SLC14A2: variants seen among roughly 807,000 people sequenced by gnomAD.
The protein encoded by SLC14A2 is urea transporter 2.
A neutral mutation model predicts 104.6 loss-of-function variants in SLC14A2; 91 were observed. That is an observed-to-expected ratio of 0.87 (90% CI 0.73 to 1.04). The LOEUF is 1.04. Among genes scored for constraint, SLC14A2 ranks in the 50% least tolerant of loss-of-function variants. SLC14A2 has a pLI of 0.00. For missense variants in SLC14A2, 1,189 were observed against 1,156.0 expected (o/e 1.03, Z -0.41); for synonymous variants, 476 against 466.4 (o/e 1.02, Z -0.27).
chr18:45,533,167 GT>G (rs2043725117), intron 2 of SLC14A2, among the ~76,000 whole-genome samples: 1 of 152,048 alleles, frequency 6.6e-6, no homozygotes, highest in African/African-American at 2.4e-5. Context: ...CTCTTTTTTG[GT>G]TGTGTCTCTG....
intron 1 of SLC14A2, among the ~76,000 whole-genome samples, chr18:45,356,416 TTTATC>T (rs1398963569): frequency 6.6e-6 from 1 of 152,128 alleles, no homozygotes; most frequent in Non-Finnish European, 1.5e-5. Context: ...CCAACAGACT[TTTATC>T]TTATTTAGGG....
intron 1 of SLC14A2, among the ~76,000 whole-genome samples, chr18:45,473,439 T>C (rs1024803473): frequency 2.6e-5 from 4 of 152,114 alleles, no homozygotes; most frequent in Admixed American, 2.6e-4. Context: ...TTGATGGGGA[T>C]AGCATTAAAT....
intron 2 of SLC14A2, among the ~76,000 whole-genome samples, chr18:45,484,341 G>A (rs2087556012): frequency 6.6e-6 from 1 of 152,168 alleles, no homozygotes; most frequent in Admixed American, 6.6e-5. Flanking sequence ...AGGCCTTGAG[G>A]TAGTCTCTGG....
intron 1 of SLC14A2, among the ~76,000 whole-genome samples, chr18:45,238,626 G>A (rs1457570169): frequency 6.6e-6 from 1 of 152,096 alleles, no homozygotes; most frequent in Non-Finnish European, 1.5e-5. Flanking sequence ...TAAATGTTTG[G>A]GATTGTATGC....
chr18:45,566,223 T>C (rs1183897520), intron 2 of SLC14A2, among the ~76,000 whole-genome samples: 1 of 152,128 alleles, frequency 6.6e-6, no homozygotes, highest in Non-Finnish European at 1.5e-5. Flanking sequence ...ATCGTGCCCA[T>C]TTTACAGACA....
chr18:45,595,085 C>G (rs955684782), intron 2 of SLC14A2, among the ~76,000 whole-genome samples: 5 of 152,318 alleles, frequency 3.3e-5, no homozygotes, highest in African/African-American at 7.2e-5. Context: ...CCAACCATCT[C>G]ATTTACTCAA....
At chr18:45,617,985 T>TG (rs1260676346) in intron 1 of SLC14A2, among the ~76,000 whole-genome samples, 2 of 152,006 alleles carry the variant, frequency 1.3e-5, no homozygotes, top group Non-Finnish European at 2.9e-5. Flanking sequence ...TGCTCTTAGG[T>TG]GGGAAAAGGA....
At chr18:45,186,086 G>A in the SLC14A2 span, among the ~76,000 whole-genome samples, 5 of 152,278 alleles carry the variant, frequency 3.3e-5, no homozygotes, top group African/African-American at 1.2e-4. Flanking sequence ...CAATAGAGAT[G>A]CCAGCAGTCT....
intron 1 of SLC14A2, among the ~76,000 whole-genome samples, chr18:45,375,027 A>G (rs941840657): frequency 1.3e-5 from 2 of 152,220 alleles, no homozygotes; most frequent in Non-Finnish European, 2.9e-5. Context: ...TTGCAAAATT[A>G]TGACTGAGAG....
At chr18:45,617,813 C>G (rs535590856) in intron 1 of SLC14A2, among the ~76,000 whole-genome samples, 1 of 152,284 alleles carries the variant, frequency 6.6e-6, no homozygotes, top group South Asian at 2.1e-4. Flanking sequence ...CTCCCAGGGA[C>G]CCAGCCTGAC....
chr18:45,328,089 T>G (rs1243486356), intron 1 of SLC14A2, among the ~76,000 whole-genome samples: 1 of 151,918 alleles, frequency 6.6e-6, no homozygotes. Flanking sequence ...GAAAAAAAAA[T>G]GTTGTTCCAT....
chr18:45,437,039 G>A (rs570438418), intron 1 of SLC14A2, among the ~76,000 whole-genome samples: 21 of 152,230 alleles, frequency 1.4e-4, no homozygotes, highest in African/African-American at 4.3e-4. Flanking sequence ...CTGAATAAGC[G>A]CTCTTCCCAC....
At chr18:45,241,446 C>T (rs2084314574) in intron 1 of SLC14A2, among the ~76,000 whole-genome samples, 1 of 151,988 alleles carries the variant, frequency 6.6e-6, no homozygotes, top group South Asian at 2.1e-4. Context: ...AAACAAAAGG[C>T]CCTTTGTAGA....
intron 1 of SLC14A2, among the ~76,000 whole-genome samples, chr18:45,356,953 G>A (rs976058887): frequency 6.6e-6 from 1 of 152,178 alleles, no homozygotes; most frequent in Non-Finnish European, 1.5e-5. Context: ...CACCACGGGG[G>A]CACCAGGTGC....
At chr18:45,250,723 T>C (rs1327887144) in intron 1 of SLC14A2, among the ~76,000 whole-genome samples, 1 of 149,518 alleles carries the variant, frequency 6.7e-6, no homozygotes, top group Non-Finnish European at 1.5e-5. Flanking sequence ...GTACTTGTCT[T>C]ACAACTGAAT....
intron 1 of SLC14A2, among the ~76,000 whole-genome samples, chr18:45,437,820 G>A (rs965716135): frequency 3.2e-4 from 48 of 152,228 alleles, no homozygotes; most frequent in African/African-American, 1.1e-3. Context: ...GAAACCTGAA[G>A]AGGATAATTA....
At chr18:45,485,424 G>A (rs2087583335) in intron 2 of SLC14A2, 1 of 152,056 alleles carries the variant, frequency 6.6e-6, no homozygotes, top group Non-Finnish European at 1.5e-5. Context: ...TTTTTTCAAG[G>A]CTGGTCAGCC....
intron 19 of SLC14A2, among the ~76,000 whole-genome samples, chr18:45,681,354 G>A (rs1443760436): frequency 4.3e-4 from 1 of 2,300 alleles, no homozygotes; most frequent in African/African-American, 4.4e-4. Flanking sequence ...GTGAGCCACC[G>A]CGCCCGGCCC....
chr18:45,286,840 T>A (rs568067260), intron 1 of SLC14A2, among the ~76,000 whole-genome samples: 1 of 152,296 alleles, frequency 6.6e-6, no homozygotes, highest in South Asian at 2.1e-4. Flanking sequence ...ACACCAAGCA[T>A]GCATTATTCT....
Sources: allele counts gnomAD v4.1 joint callset (sites outside exome capture counted in the v4.1 genomes callset), GRCh38; gene constraint gnomAD v4.1.1; transcripts MANE v1.5; gene names NCBI Gene and HGNC (gene_info 2026-07-23, HGNC 2026-07-21).